The following ZNF14 variants were observed in gnomAD, a reference collection of about 807,000 sequenced individuals.
ZNF14 encodes the protein gonadotropin inducible transcription repressor-4.
Under a neutral mutation model 11.3 loss-of-function variants are expected in ZNF14, and 9 were observed. The ratio of observed to expected loss-of-function variants is 0.80; its 90% CI spans 0.48 to 1.39. The LOEUF (loss-of-function observed/expected upper bound fraction) is 1.39. Ranked by LOEUF, ZNF14 falls within the 40% of genes most tolerant of loss-of-function variation. The pLI is 0.00. For missense variants in ZNF14, 711 were observed against 763.9 expected, an observed-to-expected ratio of 0.93 and a Z score of 0.82; for synonymous variants, 239 against 245.7, an observed-to-expected ratio of 0.97 and a Z score of 0.25.
At chr19:19,716,108 T>C (rs185685695) in intron 1 of ZNF14, among the ~76,000 whole-genome samples, 9 of 152,196 alleles carry the variant, frequency 5.9e-5, no homozygotes, top group Admixed American at 5.2e-4. Flanking sequence ...TCGGGTAGGC[T>C]GGCTAGGGGT....
rs2062364752 is a variant in ZNF14 at position 19,712,550 on chromosome 19, G to A, written c.731C>T (p.Thr244Ile). 1.9e-6 allele frequency: 3 copies of A among 1,612,986 alleles called. No individual in the cohort carries two copies. The highest frequency in any genetic ancestry group is 1.3e-5 in the African/African-American group (1 of 74,798). ...CYQSFQRHKRTHTGEKPYECK... is the reference protein window; with the variant it reads ...CYQSFQRHKRIHTGEKPYECK... Reference sequence around the variant, plus strand: ...TTCATAGGGTTTCTCTCCAGTGTGAGTCCTTTTGTGTCTTTGAAAAGATTG... The same window carrying A: ...TTCATAGGGTTTCTCTCCAGTGTGAATCCTTTTGTGTCTTTGAAAAGATTG... The change falls in exon 4 of 4, where the codon ACT becomes ATT. Residue 244 changes from threonine (T) to isoleucine (I), a missense_variant. Physicochemically the swap from Thr to Ile is moderately conservative, Grantham distance 89 (BLOSUM62 -1). Transcript: ENST00000344099.
chr19:19,719,354 T>C (rs969528246), intron 1 of ZNF14, among the ~76,000 whole-genome samples: 4 of 152,218 alleles, frequency 2.6e-5, no homozygotes, highest in African/African-American at 9.6e-5. Context: ...ATCTGACAGA[T>C]GAGTTTGTCC....
At chr19:19,732,841 C>A (rs953216837) in intron 1 of ZNF14, 115 bp downstream of exon 1, 2 of 1,413,406 alleles carry the variant, frequency 1.4e-6, no homozygotes, top group African/African-American at 2.9e-5. Context: ...GAACTGCGCC[C>A]GCGGTGGCCC....
chr19:19,711,248 T>G lies in ZNF14; in HGVS notation c.*104A>C, dbSNP rs2062358615. 10 of 1,331,800 alleles carry G rather than the reference T, an allele frequency of 7.5e-6. No individual in the cohort carries two copies. Among genetic ancestry groups the G allele is most frequent in the Non-Finnish European group, 8.1e-6 (8 of 985,422 alleles). 82.5% of individuals were successfully genotyped at this position (1,331,800 alleles called of 1,614,324 possible). ...AAAGAAACTGGAACAATTAAGGGCT[T>G]TAGAACAATGTTTGTATTCACACAG... On this transcript the variant is annotated 3_prime_UTR_variant, in exon 4 of 4. Coordinates refer to ENST00000344099, the MANE Select transcript of ZNF14 (RefSeq NM_021030.3).
chr19:19,731,671 C>G (rs941985461), intron 1 of ZNF14, among the ~76,000 whole-genome samples: 1 of 152,184 alleles, frequency 6.6e-6, no homozygotes, highest in South Asian at 2.1e-4. Context: ...ACACACTGAC[C>G]TATTACAACC....
At position 19,724,443 on chromosome 19, in the gene ZNF14, G is replaced by A. The variant is rs1031715182; in HGVS notation, c.3+8513C>T. Among the ~76,000 whole-genome samples, 16 of 134,096 alleles carry A rather than the reference G, an allele frequency of 1.2e-4. 3 individuals carry two copies. The highest frequency in any genetic ancestry group is 1.2e-3 in the Admixed American group (16 of 13,654). 88.0% of individuals were successfully genotyped at this position (134,096 alleles called of 152,430 possible). A position where few individuals can be genotyped will look rare whatever the true frequency, so the allele number is the denominator to read the frequency against. ...CTAGTTTGATTGCACTGTGGTCTGA[G>A]AGACAGTTTGTTATAATTTCTGTTC... On this transcript the variant is annotated intron_variant, in intron 1 of 3. Coordinates refer to ENST00000344099, the MANE Select transcript of ZNF14 (RefSeq NM_021030.3).
Position 19,711,893 on chromosome 19 carries a change from C to A in ZNF14, c.1388G>T (p.Arg463Leu). 1 of 1,613,806 alleles carries A rather than the reference C, an allele frequency of 6.2e-7. No homozygotes were observed. Among genetic ancestry groups the A allele is most frequent in the Non-Finnish European group, 8.5e-7 (1 of 1,179,858 alleles). ...GKAFRCSSYF[R>L]IHERSHTGEK... Reference sequence around the variant, plus strand: ...TCCAGTGTGTGACCTTTCATGAATTCGAAAATAACTTGAACACCTGAAGGC... The same window carrying A: ...TCCAGTGTGTGACCTTTCATGAATTAGAAAATAACTTGAACACCTGAAGGC... Residue 463 changes from arginine to leucine, a missense_variant, in exon 4 of 4, where the codon CGA becomes CTA. Arg to Leu is a moderately radical substitution (Grantham distance 102). Transcript: ENST00000344099.
intron 1 of ZNF14, among the ~76,000 whole-genome samples, chr19:19,721,892 G>A (rs918633215): frequency 7.3e-5 from 11 of 151,396 alleles, no homozygotes; most frequent in Admixed American, 4.6e-4. Flanking sequence ...GAACCCAGGA[G>A]GCAGAGTATG....
chr19:19,723,867 G>A lies in ZNF14; in HGVS notation c.3+9089C>T, dbSNP rs1173070238. ...CTTCTAGATTTTCTAGTTTATTTGC[G>A]TAGAGGTGTTTATACTATTCTCTGA... On this transcript the variant is annotated intron_variant, in intron 1 of 3. Transcript: ENST00000344099. Among the ~76,000 whole-genome samples, 6 of 133,754 alleles carry A rather than the reference G, an allele frequency of 4.5e-5. 2 individuals carry two copies. The highest frequency in any genetic ancestry group is 8.3e-5 in the African/African-American group (3 of 36,200). 87.7% of individuals were successfully genotyped at this position (133,754 alleles called of 152,430 possible). A position where few individuals can be genotyped will look rare whatever the true frequency, so the allele number is the denominator to read the frequency against.
Position 19,720,316 on chromosome 19 carries a change from C to T in ZNF14, c.4-5829G>A, listed in dbSNP as rs192581419. 1.7e-3 allele frequency among the ~76,000 whole-genome samples: 254 copies of T among 152,054 alleles called. 2 individuals carry two copies. Among genetic ancestry groups the T allele is most frequent in the African/African-American group, 5.9e-3 (243 of 41,492 alleles). On this transcript the variant is annotated intron_variant, in intron 1 of 3. Coordinates refer to ENST00000344099, the MANE Select transcript of ZNF14 (RefSeq NM_021030.3). This position sits in a 1 kb window ranked among gnomAD's most constrained non-coding sequence, Gnocchi z 4.1. The stretch of plus-strand genomic sequence containing the variant: ...CACATGGAACATTCACCAAGGTAGC[C>T]CACATTCTGGAACATAAAACATATC...
Position 19,714,549 on chromosome 19 carries a change from C to T in ZNF14, c.4-62G>A, listed in dbSNP as rs989918800. ...AGACTGGCAGTACTGGGGATCTATA[C>T]TTGATTTGTAAGAAGTTCCCATACA... On this transcript the variant is annotated intron_variant, in intron 1 of 3. Transcript: ENST00000344099. The T allele has an allele frequency of 1.9e-6, 3 of 1,548,424 alleles. No homozygotes were observed. In the African/African-American group the frequency reaches 4.2e-5, roughly 21 times the overall value.
chr19:19,714,631 C>T, intron 1 of ZNF14, 144 bp from the exon 2 acceptor site: 1 of 776,836 alleles, frequency 1.3e-6, no homozygotes, highest in Admixed American at 3.4e-5. Context: ...TACGACTGTC[C>T]ACACTGACTT....
intron 1 of ZNF14, among the ~76,000 whole-genome samples, chr19:19,722,991 G>C (rs951549206): frequency 1.3e-5 from 2 of 152,198 alleles, no homozygotes; most frequent in Non-Finnish European, 2.9e-5. Flanking sequence ...TTTGGGCTGA[G>C]ACGATGGGTT....
intron 1 of ZNF14, 53 bp from the exon 2 acceptor site, chr19:19,714,540 G>C (rs74969459): frequency 6.4e-7 from 1 of 1,566,594 alleles, no homozygotes; most frequent in South Asian, 1.2e-5. Context: ...GCAGTACTGG[G>C]GATCTATACT....
chr19:19,724,622 A>G (rs1312654367), intron 1 of ZNF14, among the ~76,000 whole-genome samples: 3 of 133,184 alleles, frequency 2.3e-5, no homozygotes, highest in Middle Eastern at 4.0e-3. Context: ...GCTGAGTTCA[A>G]TTCCTAGATA....
Position 19,726,649 on chromosome 19 carries a change from G to C in ZNF14, c.3+6307C>G, listed in dbSNP as rs761426656. ...GACATTTAAGTCTGCAGAAGTTTCT[G>C]CTGCCTTTTGTTCAGCTATGCCCTG... On this transcript the variant is annotated intron_variant, in intron 1 of 3. Coordinates refer to ENST00000344099, the MANE Select transcript of ZNF14 (RefSeq NM_021030.3). Among the ~76,000 whole-genome samples, 66 of 132,800 alleles carry C rather than the reference G, an allele frequency of 5.0e-4. 16 individuals carry two copies. The highest frequency in any genetic ancestry group is 7.3e-4 in the Admixed American group (10 of 13,636). 87.1% of individuals were successfully genotyped at this position (132,800 alleles called of 152,430 possible). A position where few individuals can be genotyped will look rare whatever the true frequency, so the allele number is the denominator to read the frequency against.
chr19:19,711,972 G>A lies in ZNF14; in HGVS notation c.1309C>T (p.His437Tyr). The A allele has an allele frequency of 6.2e-7, 1 of 1,614,004 alleles. No individual in the cohort carries two copies. The highest frequency in any genetic ancestry group is 1.3e-5 in the African/African-American group (1 of 75,010). ...TTCTCTGCATTGTGAGTCCTTTCAT[G>A]TCTTTGAAGGGAACTTGAAAAACTG... Reference protein sequence around the residue: ...TFSFSSSLQRHERTHNAEKPY... With the variant: ...TFSFSSSLQRYERTHNAEKPY... The change falls in exon 4 of 4, where the codon CAT becomes TAT. Residue 437 changes from histidine to tyrosine, a missense_variant. Physicochemically the swap from His to Tyr is moderately conservative, Grantham distance 83. Transcript: ENST00000344099.
intron 1 of ZNF14, among the ~76,000 whole-genome samples, chr19:19,718,886 C>G (rs1017865656): frequency 6.6e-6 from 1 of 152,146 alleles, no homozygotes; most frequent in African/African-American, 2.4e-5. Flanking sequence ...CTGCCTCAGC[C>G]TCCGAGTAGC....
At position 19,712,282 on chromosome 19, in the gene ZNF14, T is replaced by G; in HGVS notation, c.999A>C (p.Arg333=). The change falls in exon 4 of 4, where the codon CGA becomes CGC. Residue 333 remains arginine (R), a synonymous_variant. Coordinates refer to ENST00000344099, the MANE Select transcript of ZNF14 (RefSeq NM_021030.3). ...TCCCACATTCTTTACATTTATAAGG[T>G]CGAGCCCCAGTGTGTATTATTACAT... The part of the protein sequence containing the change: ...RAHVIIHTGA[R]PYKCKECGKA... The G allele has an allele frequency of 6.2e-7, 1 of 1,613,928 alleles. No homozygotes were observed. Among genetic ancestry groups the G allele is most frequent in the Non-Finnish European group, 8.5e-7 (1 of 1,179,974 alleles).
Sources: gnomAD v4.1 joint callset for allele counts (sites outside exome capture counted in the v4.1 genomes callset) on GRCh38, gnomAD v4.1.1 for gene constraint, Gnocchi (gnomAD v3.1) non-coding constraint, MANE v1.5 for transcripts, NCBI Gene and HGNC (gene_info 2026-07-23, HGNC 2026-07-21) for gene names.